RBFOX1: variants seen among roughly 807,000 people sequenced by gnomAD.
The protein encoded by RBFOX1 is RNA binding protein fox-1 homolog 1.
Under a neutral mutation model 57.7 loss-of-function variants are expected in RBFOX1, and 8 were observed. That is an observed-to-expected ratio of 0.14 (90% CI 0.08 to 0.25). The LOEUF is 0.25. Among genes scored for constraint, RBFOX1 ranks in the 10% least tolerant of loss-of-function variants. The probability of loss-of-function intolerance (pLI) is 1.00; values close to 1 mark genes in which losing one functional copy is unlikely to be tolerated. For missense variants in RBFOX1, 611 were observed against 548.5 expected, an observed-to-expected ratio of 1.11 and a Z score of -1.14; for synonymous variants, 326 against 222.4, an observed-to-expected ratio of 1.47 and a Z score of -4.15.
chr16:5,285,797 G>C (rs2063379925), intron 1 of RBFOX1, among the ~76,000 whole-genome samples: 1 of 152,080 alleles, frequency 6.6e-6, no homozygotes, highest in African/African-American at 2.4e-5. Flanking sequence ...TGCTGAGATG[G>C]AGTCTTGCTC....
chr16:6,890,782 C>CGT (rs1408480632), intron 3 of RBFOX1, among the ~76,000 whole-genome samples: 4 of 152,150 alleles, frequency 2.6e-5, no homozygotes, highest in African/African-American at 4.8e-5. Flanking sequence ...TTTTAACCTA[C>CGT]GTACCCACTC....
intron 3 of RBFOX1, among the ~76,000 whole-genome samples, chr16:6,977,747 C>T (rs891426634): frequency 1.3e-5 from 2 of 151,972 alleles, no homozygotes; most frequent in Non-Finnish European, 2.9e-5. Context: ...GAATAAAGGC[C>T]ATTTCTCTGA....
At chr16:6,937,372 G>T (rs1240763639) in intron 3 of RBFOX1, among the ~76,000 whole-genome samples, 3 of 152,016 alleles carry the variant, frequency 2.0e-5, no homozygotes, top group African/African-American at 7.3e-5. Context: ...TTCTTTGTTG[G>T]TATTTTAGGA....
intron 4 of RBFOX1, among the ~76,000 whole-genome samples, chr16:7,489,007 A>C (rs1235162531): frequency 6.6e-6 from 1 of 152,158 alleles, no homozygotes; most frequent in African/African-American, 2.4e-5. Context: ...CTCTGTCATT[A>C]TATCTACCTA....
At chr16:7,266,820 G>A (rs2095161079) in intron 4 of RBFOX1, among the ~76,000 whole-genome samples, 1 of 152,164 alleles carries the variant, frequency 6.6e-6, no homozygotes, top group African/African-American at 2.4e-5. Context: ...ACTGGGACAG[G>A]AATTACAAGT....
chr16:7,547,926 T>A (rs2085071914), intron 5 of RBFOX1, among the ~76,000 whole-genome samples: 1 of 152,180 alleles, frequency 6.6e-6, no homozygotes, highest in African/African-American at 2.4e-5. Flanking sequence ...TTGGCTTTGC[T>A]CCTTGGTAAT....
intron 4 of RBFOX1, among the ~76,000 whole-genome samples, chr16:7,160,541 C>A (rs17560336): frequency 6.6e-6 from 1 of 151,840 alleles, no homozygotes; most frequent in Admixed American, 6.6e-5. Context: ...GTGTCATTAA[C>A]TTGTTCTTGT....
intron 3 of RBFOX1, among the ~76,000 whole-genome samples, chr16:5,740,708 A>G (rs144540392): frequency 1.3e-3 from 205 of 152,290 alleles, no homozygotes; most frequent in Non-Finnish European, 2.6e-3. Context: ...GTATCATTCT[A>G]AGGTGAGCTG....
chr16:6,679,754 T>A (rs1306895677), intron 3 of RBFOX1, among the ~76,000 whole-genome samples: 1 of 152,182 alleles, frequency 6.6e-6, no homozygotes, highest in East Asian at 1.9e-4. Context: ...ATGTGGTATT[T>A]GTGCATGTAA....
chr16:5,929,541 C>G (rs1039997973), intron 4 of RBFOX1, among the ~76,000 whole-genome samples: 3 of 152,162 alleles, frequency 2.0e-5, no homozygotes, highest in African/African-American at 2.4e-5. Context: ...TTACCTCTTA[C>G]TATACTGCAA....
At chr16:6,000,236 C>T (rs1388752983) in intron 4 of RBFOX1, among the ~76,000 whole-genome samples, 9 of 152,172 alleles carry the variant, frequency 5.9e-5, no homozygotes, top group African/African-American at 2.2e-4. Context: ...TGCGATGCTT[C>T]CTCTGAAGCT....
At chr16:7,703,773 A>T (rs1274442647) in intron 14 of RBFOX1, among the ~76,000 whole-genome samples, 4 of 152,222 alleles carry the variant, frequency 2.6e-5, no homozygotes, top group Non-Finnish European at 5.9e-5. Flanking sequence ...TTTTGCTCCA[A>T]CACAACCTTA....
intron 1 of RBFOX1, among the ~76,000 whole-genome samples, chr16:5,430,375 A>G (rs2067693980): frequency 6.6e-6 from 1 of 152,144 alleles, no homozygotes; most frequent in African/African-American, 2.4e-5. Flanking sequence ...CCTGTAGTAG[A>G]AAGGGAGGCA....
intron 3 of RBFOX1, among the ~76,000 whole-genome samples, chr16:6,854,072 T>C (rs938900968): frequency 6.6e-6 from 1 of 152,226 alleles, no homozygotes; most frequent in Non-Finnish European, 1.5e-5. Flanking sequence ...AGAAATCCTA[T>C]TTATTTAAAG....
chr16:6,120,356 G>A (rs2096539911), intron 1 of RBFOX1, among the ~76,000 whole-genome samples: 1 of 152,206 alleles, frequency 6.6e-6, no homozygotes, highest in Admixed American at 6.5e-5. Context: ...TCAGCAAGCT[G>A]TTTCCCACAG....
intron 3 of RBFOX1, among the ~76,000 whole-genome samples, chr16:6,811,637 C>G (rs1476917696): frequency 1.3e-5 from 2 of 152,148 alleles, no homozygotes; most frequent in Admixed American, 6.5e-5. Flanking sequence ...GGTCTGTAAT[C>G]CTAGCACTTT....
intron 4 of RBFOX1, among the ~76,000 whole-genome samples, chr16:7,223,236 G>A (rs1211182787): frequency 2.0e-5 from 3 of 152,214 alleles, no homozygotes; most frequent in African/African-American, 4.8e-5. Flanking sequence ...TCAGAAGCAT[G>A]AGAGGGTAAG....
intron 5 of RBFOX1, among the ~76,000 whole-genome samples, chr16:7,533,835 C>T (rs529225961): frequency 1.5e-4 from 23 of 152,264 alleles, no homozygotes; most frequent in African/African-American, 5.5e-4. Flanking sequence ...CTACATTCTT[C>T]TTCAGTCAAA....
chr16:5,859,852 G>T (rs2057165585), intron 3 of RBFOX1, among the ~76,000 whole-genome samples: 2 of 152,172 alleles, frequency 1.3e-5, no homozygotes, highest in African/African-American at 2.4e-5. Flanking sequence ...AGATACTGTG[G>T]GTCAGGAATC....
Sources: allele counts gnomAD v4.1 joint callset (sites outside exome capture counted in the v4.1 genomes callset), GRCh38; gene constraint gnomAD v4.1.1; transcripts MANE v1.5; gene names NCBI Gene and HGNC (gene_info 2026-07-23, HGNC 2026-07-21).